SNTG1: variants seen among roughly 807,000 people sequenced by gnomAD.
The protein encoded by SNTG1 is gamma-1-syntrophin.
A neutral mutation model predicts 74.7 loss-of-function variants in SNTG1; 39 were observed. That is an observed-to-expected ratio of 0.52 (90% confidence interval 0.40 to 0.68). The LOEUF (loss-of-function observed/expected upper bound fraction) is 0.68, where lower values mean the gene tolerates loss of function less well. SNTG1 is among the 30% of genes least tolerant of loss of function. The pLI is 0.00. For missense variants in SNTG1, 685 were observed against 609.5 expected (o/e 1.12, Z -1.30); for synonymous variants, 254 against 217.1 (o/e 1.17, Z -1.49).
At chr8:50,464,464 T>C (rs1311718887) in intron 8 of SNTG1, among the ~76,000 whole-genome samples, 1 of 152,116 alleles carries the variant, frequency 6.6e-6, no homozygotes, top group African/African-American at 2.4e-5. Context: ...TAATGTTGTG[T>C]CTCAGGGAGT....
chr8:50,275,423 C>T (rs965561212), intron 2 of SNTG1, among the ~76,000 whole-genome samples: 2 of 151,814 alleles, frequency 1.3e-5, no homozygotes, highest in Admixed American at 1.3e-4. Context: ...CATGATATTT[C>T]TTTTCCTCTT....
intron 1 of SNTG1, among the ~76,000 whole-genome samples, chr8:49,980,640 A>T (rs1812596239): frequency 6.6e-6 from 1 of 151,460 alleles, no homozygotes; most frequent in Non-Finnish European, 1.5e-5. Context: ...TGTGTTCCTG[A>T]ATTTTTTTAA....
At chr8:50,173,822 T>C (rs1450653651) in intron 2 of SNTG1, among the ~76,000 whole-genome samples, 1 of 152,232 alleles carries the variant, frequency 6.6e-6, no homozygotes, top group Admixed American at 6.5e-5. Flanking sequence ...TAAACAATTA[T>C]CTTTTTAAAA....
At chr8:50,337,717 GA>G (rs1178213482) in intron 2 of SNTG1, among the ~76,000 whole-genome samples, 5 of 152,188 alleles carry the variant, frequency 3.3e-5, no homozygotes, top group African/African-American at 1.2e-4. Context: ...CTGAAAGACT[GA>G]GACCTAGTCA....
chr8:50,696,257 T>C (rs901495957), intron 15 of SNTG1, among the ~76,000 whole-genome samples: 3 of 151,968 alleles, frequency 2.0e-5, no homozygotes, highest in Admixed American at 1.3e-4. Context: ...TGGTCACTTG[T>C]ATGTTTTCTT....
At chr8:50,295,529 T>C (rs1301257508) in intron 2 of SNTG1, among the ~76,000 whole-genome samples, 3 of 152,182 alleles carry the variant, frequency 2.0e-5, no homozygotes, top group Non-Finnish European at 2.9e-5. Flanking sequence ...TAGTAGTGAG[T>C]TTCCAGTTGC....
rs182403794 is a variant in SNTG1, at chr8:50,124,395, C to G, written c.-102-48166C>G. Among the ~76,000 whole-genome samples the G allele has an allele frequency of 2.1e-4, 30 of 142,444 alleles. 4 individuals carry two copies. Among genetic ancestry groups the G allele is most frequent in the Middle Eastern group, 3.9e-3 (1 of 254 alleles). 93.4% of individuals were successfully genotyped at this position (142,444 alleles called of 152,430 possible). A position where few individuals can be genotyped will look rare whatever the true frequency, so the allele number is the denominator to read the frequency against. ...CAGGCCTAGCAAACTAAAACACCTT[C>G]TTAGCATGTGAATAGTATTGCTGCT... On this transcript the variant is annotated intron_variant, in intron 1 of 18. Transcript: ENST00000642720.
chr8:50,615,181 C>T lies in SNTG1; in HGVS notation c.849+24264C>T, dbSNP rs1359698898. On this transcript the variant is annotated intron_variant, in intron 13 of 18. Transcript: ENST00000642720. The stretch of plus-strand genomic sequence containing the variant: ...TTCACCAGTTTAGCCAGGATGGTCT[C>T]GATCTCTTGACCTCATGATCTGCCT... Among the ~76,000 whole-genome samples the T allele has an allele frequency of 7.2e-5, 11 of 152,128 alleles. 1 individual carries two copies. In the East Asian group the frequency reaches 1.4e-3, roughly 19 times the overall value.
chr8:50,266,704 G>T (rs1228549279), intron 2 of SNTG1, among the ~76,000 whole-genome samples: 3 of 88,162 alleles, frequency 3.4e-5, no homozygotes, highest in Non-Finnish European at 5.1e-5. Context: ...ATATATGAAT[G>T]ATACAAATGT....
chr8:49,916,703 A>C (rs927398450), intron 1 of SNTG1, among the ~76,000 whole-genome samples: 2 of 152,144 alleles, frequency 1.3e-5, no homozygotes, highest in Non-Finnish European at 2.9e-5. Flanking sequence ...ATAATGTGTT[A>C]CTTATATAAA....
intron 1 of SNTG1, among the ~76,000 whole-genome samples, chr8:50,057,567 T>G (rs1048439954): frequency 6.6e-6 from 1 of 152,118 alleles, no homozygotes; most frequent in Non-Finnish European, 1.5e-5. Flanking sequence ...CCCCAAGCAC[T>G]GGTGTCAAAA....
intron 1 of SNTG1, among the ~76,000 whole-genome samples, chr8:50,103,457 T>G (rs2080230836): frequency 6.6e-6 from 1 of 152,232 alleles, no homozygotes; most frequent in Admixed American, 6.5e-5. Flanking sequence ...AAGGAGATTT[T>G]GGGCTGAGAT....
chr8:50,086,867 C>A (rs1378546804), intron 1 of SNTG1, among the ~76,000 whole-genome samples: 1 of 152,094 alleles, frequency 6.6e-6, no homozygotes, highest in East Asian at 1.9e-4. Flanking sequence ...TTAAAAAGCA[C>A]CAATAGCAAA....
intron 1 of SNTG1, among the ~76,000 whole-genome samples, chr8:50,160,652 T>C (rs1339962438): frequency 6.7e-6 from 1 of 149,526 alleles, no homozygotes. Context: ...ATCTGAGTCA[T>C]AATATATTTC....
intron 1 of SNTG1, among the ~76,000 whole-genome samples, chr8:50,048,683 G>A (rs746195945): frequency 1.3e-5 from 2 of 151,940 alleles, no homozygotes; most frequent in East Asian, 1.9e-4. Flanking sequence ...GTAGAATGTC[G>A]CTCATATTTT....
At chr8:49,945,480 G>A (rs1372966697) in intron 1 of SNTG1, among the ~76,000 whole-genome samples, 1 of 152,208 alleles carries the variant, frequency 6.6e-6, no homozygotes, top group Non-Finnish European at 1.5e-5. Flanking sequence ...CTTATGTTAA[G>A]CAGCAGTTGC....
intron 2 of SNTG1, among the ~76,000 whole-genome samples, chr8:50,226,638 G>A (rs958657428): frequency 4.0e-5 from 6 of 150,404 alleles, no homozygotes; most frequent in African/African-American, 9.9e-5. Context: ...ACCAGAAAAC[G>A]TTTAAATTTA....
At chr8:50,657,571 A>T (rs1425628792) in intron 14 of SNTG1, among the ~76,000 whole-genome samples, 4 of 152,140 alleles carry the variant, frequency 2.6e-5, no homozygotes, top group African/African-American at 7.2e-5. Context: ...CATCTTATCT[A>T]GCTACTATTA....
At chr8:49,967,083 T>C (rs2129851444) in intron 1 of SNTG1, among the ~76,000 whole-genome samples, 1 of 152,348 alleles carries the variant, frequency 6.6e-6, no homozygotes, top group Non-Finnish European at 1.5e-5. Flanking sequence ...TACTCACTAT[T>C]GGCCAGGCAT....
Sources: gnomAD v4.1 joint callset for allele counts (sites outside exome capture counted in the v4.1 genomes callset) on GRCh38, gnomAD v4.1.1 for gene constraint, MANE v1.5 for transcripts, NCBI Gene and HGNC (gene_info 2026-07-23, HGNC 2026-07-21) for gene names.